Variants in NKD2 observed in about 807,000 individuals in gnomAD.
NKD2 encodes protein naked cuticle homolog 2.
In NKD2, 43 loss-of-function variants were observed where a neutral mutation model predicts 34.8. The ratio of observed to expected loss-of-function variants is 1.24; its 90% CI spans 0.97 to 1.60. The LOEUF is 1.60. NKD2 is among the 40% of genes most tolerant of loss of function. The pLI is 0.00. For missense variants in NKD2, 675 were observed against 627.1 expected (o/e 1.08, Z -0.82); for synonymous variants, 278 against 265.1 (o/e 1.05, Z -0.47).
chr5:1,012,965 T>G (rs1260250202), intron 3 of NKD2, among the ~76,000 whole-genome samples: 1 of 152,178 alleles, frequency 6.6e-6, no homozygotes, highest in Non-Finnish European at 1.5e-5. Flanking sequence ...AACACAGAGA[T>G]GCAGGGTGGG....
In NKD2 at chr5:1,009,662, G is replaced by A. The variant is rs1560980355; in HGVS notation, c.141+102G>A. The A allele has an allele frequency of 5.9e-6, 6 of 1,018,898 alleles. No homozygotes were observed. Among genetic ancestry groups the A allele is most frequent in the Non-Finnish European group, 7.9e-6 (6 of 757,054 alleles). The allele number at this position is 1,018,898 out of a possible 1,614,324, so 63.1% of individuals were successfully genotyped here. A position where few individuals can be genotyped will look rare whatever the true frequency, so the allele number is the denominator to read the frequency against. On this transcript the variant is annotated intron_variant, in intron 3 of 9. Transcript: ENST00000296849. The surrounding 1 kb of genome is among the most constrained non-coding windows in gnomAD (Gnocchi z 6.9). ...GTGCCCGCCCGCGGACAGGCGAGACGTGGGCCGCCATGGCCGCACGAGTGA... is the reference window on the plus strand; with the variant it reads ...GTGCCCGCCCGCGGACAGGCGAGACATGGGCCGCCATGGCCGCACGAGTGA...
intron 9 of NKD2, chr5:1,036,888 G>GCGGGCAGTGTGGATGGCAGC (rs1561001785): frequency 4.5e-6 from 2 of 445,506 alleles, no homozygotes; most frequent in Non-Finnish European, 9.0e-6. Flanking sequence ...AGTGTGGATG[G>GCGGGCAGTGTGGATGGCAGC]CGGGCAGTGT....
chr5:1,027,758 G>GGA (rs1276366293), intron 3 of NKD2, among the ~76,000 whole-genome samples: 1 of 152,262 alleles, frequency 6.6e-6, no homozygotes, highest in African/African-American at 2.4e-5. Context: ...ACGAGGCCCA[G>GGA]GAGGGGACAG....
intron 7 of NKD2, 122 bp from the exon 8 acceptor site, chr5:1,035,267 T>C (rs1733830639): frequency 2.6e-6 from 2 of 778,170 alleles, no homozygotes; most frequent in Non-Finnish European, 2.1e-6. Context: ...AGTTAATGAA[T>C]GAGTGAACCA....
At chr5:1,029,161 T>C (rs1560993977) in intron 3 of NKD2, among the ~76,000 whole-genome samples, 2 of 152,252 alleles carry the variant, frequency 1.3e-5, no homozygotes, top group Non-Finnish European at 2.9e-5. Flanking sequence ...TGCTCATTTT[T>C]TCCCGTTTGA....
At chr5:1,037,543 A>G in intron 9 of NKD2, 1 of 1,535,890 alleles carries the variant, frequency 6.5e-7, no homozygotes, top group East Asian at 2.4e-5. Context: ...CGAGAAGAGA[A>G]GCTCCGCTCC....
intron 3 of NKD2, among the ~76,000 whole-genome samples, chr5:1,026,522 C>G (rs1248593211): frequency 4.3e-5 from 5 of 116,166 alleles, no homozygotes; most frequent in Admixed American, 2.8e-4. Context: ...TCTTCCCACC[C>G]GCTGTGGGTG....
Position 1,009,971 on chromosome 5 carries a change from T to G in NKD2, c.141+411T>G, listed in dbSNP as rs1012801720. Among the ~76,000 whole-genome samples the G allele has an allele frequency of 6.6e-5, 10 of 152,018 alleles. No homozygotes were observed. Among genetic ancestry groups the G allele is most frequent in the African/African-American group, 9.7e-5 (4 of 41,382 alleles). ...GGAGGAGGGGTGGGAGCTACAGACCTGGGGCATCACTGGTCATAGCCTCAG... is the reference window on the plus strand; with the variant it reads ...GGAGGAGGGGTGGGAGCTACAGACCGGGGGCATCACTGGTCATAGCCTCAG... On this transcript the variant is annotated intron_variant, in intron 3 of 9. Transcript: ENST00000296849. This position sits in a 1 kb window ranked among gnomAD's most constrained non-coding sequence, Gnocchi z 6.9.
chr5:1,030,965 T>A (rs542908823), intron 3 of NKD2, among the ~76,000 whole-genome samples: 2 of 152,134 alleles, frequency 1.3e-5, no homozygotes, highest in African/African-American at 4.8e-5. Context: ...TTAGTGCCCA[T>A]GTGTGGGTGG....
At chr5:1,013,591 CTG>C (rs1755839704) in intron 3 of NKD2, among the ~76,000 whole-genome samples, 1 of 152,262 alleles carries the variant, frequency 6.6e-6, no homozygotes, top group African/African-American at 2.4e-5. Flanking sequence ...TATGTAGTTT[CTG>C]TGCCAGCCTG....
In NKD2 at chr5:1,035,334, G is replaced by A. The variant is rs1180478708; in HGVS notation, c.575-55G>A. On this transcript the variant is annotated intron_variant, in intron 7 of 9. Transcript: ENST00000296849. ...AGTTAATGAATGAGTGAATGAATGA[G>A]TGAATGCTGAATGAAGGAGGGAGGG... 5.2e-6 allele frequency: 7 copies of A among 1,349,208 alleles called. No homozygotes were observed. In the East Asian group the frequency reaches 1.5e-4, roughly 29 times the overall value. The allele number at this position is 1,349,208 out of a possible 1,614,324, so 83.6% of individuals were successfully genotyped here.
chr5:1,009,690 G>C lies in NKD2; in HGVS notation c.141+130G>C. On this transcript the variant is annotated intron_variant, in intron 3 of 9. Coordinates refer to ENST00000296849, the MANE Select transcript of NKD2 (RefSeq NM_033120.4). This position sits in a 1 kb window ranked among gnomAD's most constrained non-coding sequence, Gnocchi z 6.9. Reference sequence around the variant, plus strand: ...GGCCGCCATGGCCGCACGAGTGACCGGGGGCCAGGAGAGCCAGTCTCTCCC... The same window carrying C: ...GGCCGCCATGGCCGCACGAGTGACCCGGGGCCAGGAGAGCCAGTCTCTCCC... The C allele has an allele frequency of 1.5e-6, 1 of 686,856 alleles. No homozygotes were observed. The highest frequency in any genetic ancestry group is 2.1e-6 in the Non-Finnish European group (1 of 475,258). 42.5% of individuals were successfully genotyped at this position (686,856 alleles called of 1,614,324 possible).
chr5:1,031,332 T>C (rs1317513294), intron 3 of NKD2, among the ~76,000 whole-genome samples: 1 of 152,160 alleles, frequency 6.6e-6, no homozygotes, highest in Non-Finnish European at 1.5e-5. Context: ...CAAAGTCATC[T>C]CCAGGGTCAG....
chr5:1,012,451 C>T (rs1280224273), intron 3 of NKD2, among the ~76,000 whole-genome samples: 1 of 152,254 alleles, frequency 6.6e-6, no homozygotes, highest in Non-Finnish European at 1.5e-5. Flanking sequence ...AGGCACTCGC[C>T]AGTCCCATCC....
chr5:1,036,121 C>A (rs1255181717), intron 8 of NKD2, 136 bp from the exon 9 acceptor site: 2 of 1,359,820 alleles, frequency 1.5e-6, no homozygotes, highest in African/African-American at 3.0e-5. Context: ...CGTCCACTCT[C>A]CTTCCTGCTC....
In NKD2 at chr5:1,038,124, C is replaced by T. The variant is rs769470516; in HGVS notation, c.1107C>T (p.Gly369=). 10 of 1,592,958 alleles carry T rather than the reference C, an allele frequency of 6.3e-6. No homozygotes were observed. The highest frequency in any genetic ancestry group is 1.7e-5 in the Admixed American group (1 of 57,902). Residue 369 remains glycine, a synonymous_variant, in exon 10 of 10, where the codon GGC becomes GGT. Coordinates refer to ENST00000296849, the MANE Select transcript of NKD2 (RefSeq NM_033120.4). This position sits in a 1 kb window ranked among gnomAD's most constrained non-coding sequence, Gnocchi z 4.5. The part of the protein sequence containing the change: ...AVLPPQAPQD[G]HHLPQPPPPP... Reference sequence around the variant, plus strand: ...TGCCGCCCCAGGCCCCTCAGGACGGCCACCACCTCCCGCAGCCCCCACCGC... The same window carrying T: ...TGCCGCCCCAGGCCCCTCAGGACGGTCACCACCTCCCGCAGCCCCCACCGC...
intron 8 of NKD2, chr5:1,035,903 C>G (rs2150750683): frequency 5.7e-6 from 2 of 349,954 alleles, no homozygotes; most frequent in Middle Eastern, 7.7e-4. Context: ...CAGGCAGTGG[C>G]TGAGGCAGTG....
At chr5:1,021,074 T>C (rs1229139108) in intron 3 of NKD2, among the ~76,000 whole-genome samples, 2 of 152,186 alleles carry the variant, frequency 1.3e-5, no homozygotes, top group African/African-American at 2.4e-5. Context: ...TCTGGTCTTA[T>C]AGGAAGTTAA....
rs896775521 is a variant in NKD2 at position 1,009,634 on chromosome 5, C to G, written c.141+74C>G. On this transcript the variant is annotated intron_variant, in intron 3 of 9. Transcript: ENST00000296849. This position sits in a 1 kb window ranked among gnomAD's most constrained non-coding sequence, Gnocchi z 6.9. ...GCGGGGAGCGGTGTCAGAGCTGTTC[C>G]TGGTGCCCGCCCGCGGACAGGCGAG... 1 of 1,229,154 alleles carries G rather than the reference C, an allele frequency of 8.1e-7. No homozygotes were observed. The highest frequency in any genetic ancestry group is 4.1e-5 in the Admixed American group (1 of 24,616). 76.1% of individuals were successfully genotyped at this position (1,229,154 alleles called of 1,614,324 possible). A position where few individuals can be genotyped will look rare whatever the true frequency, so the allele number is the denominator to read the frequency against.
Sources: allele counts gnomAD v4.1 joint callset (sites outside exome capture counted in the v4.1 genomes callset), GRCh38; gene constraint gnomAD v4.1.1; non-coding constraint Gnocchi (gnomAD v3.1); transcripts MANE v1.5; gene names NCBI Gene and HGNC (gene_info 2026-07-23, HGNC 2026-07-21).